The following CDON variants were observed in gnomAD, a reference collection of about 807,000 sequenced individuals.
The protein encoded by CDON is cell adhesion associated, oncogene regulated.
Under a neutral mutation model 120.9 loss-of-function variants are expected in CDON, and 73 were observed. The ratio of observed to expected loss-of-function variants is 0.60; its 90% confidence interval spans 0.50 to 0.73. The LOEUF is 0.73. CDON is among the 30% of genes least tolerant of loss of function. The pLI is 0.00. For synonymous variants in CDON, 566 were observed against 573.5 expected (o/e 0.99, Z 0.19); for missense variants, 1,470 against 1,587.3 (o/e 0.93, Z 1.26).
chr11:126,017,061 G>GA (rs1947488798), intron 6 of CDON, 27 bp downstream of exon 6: 3 of 1,603,130 alleles, frequency 1.9e-6, no homozygotes, highest in African/African-American at 1.3e-5. Context: ...GGCTTCATTT[G>GA]AAAAAAATTA....
At chr11:125,984,478 T>C (rs1946405498) in intron 15 of CDON, among the ~76,000 whole-genome samples, 1 of 151,930 alleles carries the variant, frequency 6.6e-6, no homozygotes, top group African/African-American at 2.4e-5. Context: ...GAGCAGACTG[T>C]CTGAGCTCAG....
intron 6 of CDON, among the ~76,000 whole-genome samples, chr11:126,016,196 T>C (rs1488583944): frequency 6.6e-6 from 1 of 152,208 alleles, no homozygotes; most frequent in Non-Finnish European, 1.5e-5. Flanking sequence ...AAAAGTTTTA[T>C]TCACTATGAA....
At chr11:126,060,753 A>C (rs867196579) in intron 1 of CDON, among the ~76,000 whole-genome samples, 1 of 152,180 alleles carries the variant, frequency 6.6e-6, no homozygotes, top group Non-Finnish European at 1.5e-5. Flanking sequence ...ATTCCTACCT[A>C]CTGCCTTCAG....
intron 2 of CDON, among the ~76,000 whole-genome samples, chr11:126,021,763 A>C (rs568566561): frequency 7.6e-4 from 116 of 152,316 alleles, no homozygotes; most frequent in African/African-American, 2.5e-3. Context: ...AAAGACAAGA[A>C]TGCTGATGAT....
intron 10 of CDON, among the ~76,000 whole-genome samples, chr11:126,003,592 G>A (rs1279161939): frequency 2.6e-5 from 4 of 152,136 alleles, no homozygotes; most frequent in Non-Finnish European, 5.9e-5. Flanking sequence ...AGGCTGAGGT[G>A]GGCGGATCAC....
At chr11:125,974,009 C>T (rs1178084229) in intron 18 of CDON, among the ~76,000 whole-genome samples, 1 of 151,878 alleles carries the variant, frequency 6.6e-6, no homozygotes. Context: ...GATTCTTCTG[C>T]TTCATCCTCC....
At chr11:126,014,061 C>A (rs1350088036) in intron 7 of CDON, among the ~76,000 whole-genome samples, 1 of 151,938 alleles carries the variant, frequency 6.6e-6, no homozygotes, top group Admixed American at 6.6e-5. Context: ...CAAATACATG[C>A]CAATTTTTAA....
intron 7 of CDON, among the ~76,000 whole-genome samples, chr11:126,014,525 A>G (rs573475186): frequency 6.6e-6 from 1 of 152,192 alleles, no homozygotes; most frequent in Non-Finnish European, 1.5e-5. Flanking sequence ...AAAATTACCA[A>G]CACAGATATG....
At chr11:126,019,208 T>C (rs1424212708) in intron 4 of CDON, among the ~76,000 whole-genome samples, 1 of 152,132 alleles carries the variant, frequency 6.6e-6, no homozygotes, top group South Asian at 2.1e-4. Flanking sequence ...AAACCCTGCA[T>C]GCATGCAGCC....
intron 18 of CDON, among the ~76,000 whole-genome samples, chr11:125,962,229 T>C (rs1945666111): frequency 6.6e-6 from 1 of 152,326 alleles, no homozygotes; most frequent in Admixed American, 6.5e-5. Flanking sequence ...AAGAATGCAT[T>C]CTTATTCAAT....
At chr11:125,997,109 A>C in intron 12 of CDON, 98 bp downstream of exon 12, 1 of 980,794 alleles carries the variant, frequency 1.0e-6, no homozygotes, top group Non-Finnish European at 1.6e-6. Flanking sequence ...ACTGCACTCC[A>C]GCCTGGGCCA....
At chr11:126,048,427 A>G (rs1446347950) in intron 1 of CDON, among the ~76,000 whole-genome samples, 1 of 152,186 alleles carries the variant, frequency 6.6e-6, no homozygotes, top group Non-Finnish European at 1.5e-5. Context: ...GATAAGGAAC[A>G]CTCGAGCAAA....
intron 17 of CDON, among the ~76,000 whole-genome samples, chr11:125,980,186 T>C (rs1946257592): frequency 6.6e-6 from 1 of 152,208 alleles, no homozygotes. Flanking sequence ...ATGTCATAAA[T>C]CAAACTTTCT....
intron 15 of CDON, 22 bp from the exon 16 acceptor site, chr11:125,984,115 A>G (rs1195302456): frequency 6.6e-7 from 1 of 1,514,090 alleles, no homozygotes. Context: ...ATAAAGGAAA[A>G]CATGATGTCA....
At chr11:125,996,979 C>A (rs2134541405) in intron 12 of CDON, among the ~76,000 whole-genome samples, 2 of 152,162 alleles carry the variant, frequency 1.3e-5, no homozygotes, top group South Asian at 4.2e-4. Flanking sequence ...GAGTTCAAGA[C>A]CAGCCTGGGC....
At chr11:126,051,443 G>A (rs1948555311) in intron 1 of CDON, among the ~76,000 whole-genome samples, 1 of 152,058 alleles carries the variant, frequency 6.6e-6, no homozygotes, top group South Asian at 2.1e-4. Flanking sequence ...AATCCACTTT[G>A]GGAGTTAGCT....
At chr11:125,999,821 G>A in intron 11 of CDON, among the ~76,000 whole-genome samples, 1 of 152,054 alleles carries the variant, frequency 6.6e-6, no homozygotes, top group Non-Finnish European at 1.5e-5. Context: ...GTTCACTATA[G>A]CTTTCAAGGA....
intron 18 of CDON, among the ~76,000 whole-genome samples, chr11:125,963,326 G>C (rs1369583180): frequency 1.3e-5 from 2 of 152,148 alleles, no homozygotes; most frequent in Non-Finnish European, 2.9e-5. Flanking sequence ...ATAATTGGGA[G>C]TAAGAAAAGT....
rs145549613 is a variant in CDON at position 126,017,241 on chromosome 11, C to T, written c.775G>A (p.Gly259Arg). ...TTGCTTCCTGGTGCAATGTCCTGCCCGTCCTTTAGCCAATACACTTGAGGA... is the reference window on the plus strand; with the variant it reads ...TTGCTTCCTGGTGCAATGTCCTGCCTGTCCTTTAGCCAATACACTTGAGGA... ...PAPQVYWLKD[G>R]QDIAPGSNWR... Residue 259 changes from glycine to arginine, a missense_variant, in exon 6 of 20, where the codon GGG becomes AGG. Physicochemically the swap from Gly to Arg is moderately radical, Grantham distance 125. Transcript: ENST00000531738. 9.9e-6 allele frequency: 16 copies of T among 1,613,998 alleles called. No homozygotes were observed. The highest frequency in any genetic ancestry group is 2.2e-5 in the East Asian group (1 of 44,888).
Sources: gnomAD v4.1 joint callset for allele counts (sites outside exome capture counted in the v4.1 genomes callset) on GRCh38, gnomAD v4.1.1 for gene constraint, MANE v1.5 for transcripts, NCBI Gene and HGNC (gene_info 2026-07-23, HGNC 2026-07-21) for gene names.